AMPH: variants seen among roughly 807,000 people sequenced by gnomAD.
The protein encoded by AMPH is amphiphysin.
Under a neutral mutation model 99.1 loss-of-function variants are expected in AMPH, and 49 were observed. The ratio of observed to expected loss-of-function variants is 0.49; its 90% CI spans 0.39 to 0.63. The LOEUF (loss-of-function observed/expected upper bound fraction) is 0.63, where lower values mean the gene tolerates loss of function less well. Ranked by LOEUF, AMPH falls within the 20% of genes least tolerant of loss-of-function variation. The pLI, the probability that AMPH is intolerant of heterozygous loss-of-function variation, is 0.00. For missense variants in AMPH, 759 were observed against 863.4 expected (o/e 0.88, Z 1.52); for synonymous variants, 314 against 317.3 (o/e 0.99, Z 0.11).
At chr7:38,429,526 G>C in intron 14 of AMPH, 1 of 1,388,060 alleles carries the variant, frequency 7.2e-7, no homozygotes, top group Non-Finnish European at 9.5e-7. Flanking sequence ...CCACTGTCTG[G>C]AGTTTCCTCC....
intron 11 of AMPH, among the ~76,000 whole-genome samples, chr7:38,444,062 C>T (rs911640052): frequency 6.6e-6 from 1 of 150,914 alleles, no homozygotes; most frequent in Non-Finnish European, 1.5e-5. Context: ...CCAGAAAAAA[C>T]AAATTTAAAA....
chr7:38,446,211 G>A (rs1786771360), intron 11 of AMPH, among the ~76,000 whole-genome samples: 1 of 152,210 alleles, frequency 6.6e-6, no homozygotes, highest in Non-Finnish European at 1.5e-5. Flanking sequence ...ATGCGATGCT[G>A]ATGAAAATAG....
intron 11 of AMPH, among the ~76,000 whole-genome samples, chr7:38,454,429 T>C (rs1057075858): frequency 3.9e-5 from 6 of 151,954 alleles, no homozygotes; most frequent in Admixed American, 3.9e-4. Flanking sequence ...TGAGAAGAAA[T>C]AGTATCACCA....
rs375389292 is a variant in AMPH, at chr7:38,386,451, A to G, written c.1981-1526T>C. Among the ~76,000 whole-genome samples, 7 of 152,334 alleles carry G rather than the reference A, an allele frequency of 4.6e-5. 1 individual carries two copies. In the East Asian group the frequency reaches 7.7e-4, roughly 17 times the overall value. On this transcript the variant is annotated intron_variant, in intron 20 of 20. Coordinates refer to ENST00000356264, the MANE Select transcript of AMPH (RefSeq NM_001635.4). Reference sequence around the variant, plus strand: ...AAACCCACAATCAAGATATATTCCAACACATATAATCTGAAAGACAACTTG... The same window carrying G: ...AAACCCACAATCAAGATATATTCCAGCACATATAATCTGAAAGACAACTTG...
intron 2 of AMPH, among the ~76,000 whole-genome samples, chr7:38,515,797 G>C (rs553835239): frequency 6.6e-6 from 1 of 152,346 alleles, no homozygotes; most frequent in South Asian, 2.1e-4. Flanking sequence ...CCAAAATTCT[G>C]ATAGTGATAT....
At position 38,549,731 on chromosome 7, in the gene AMPH, G is replaced by A. The variant is rs183701700; in HGVS notation, c.70-14720C>T. Among the ~76,000 whole-genome samples the A allele has an allele frequency of 2.9e-3, 436 of 152,288 alleles. 2 individuals carry two copies. Among genetic ancestry groups the A allele is most frequent in the South Asian group, 0.011 (53 of 4,820 alleles). ...GCTGTAAGGTATTAGAAAAATCGGT[G>A]TAGAAAAAAGCTGGACTGTTTTCAG... On this transcript the variant is annotated intron_variant, in intron 1 of 20. Transcript: ENST00000356264.
At chr7:38,391,500 C>T (rs953711107) in intron 19 of AMPH, among the ~76,000 whole-genome samples, 1 of 152,152 alleles carries the variant, frequency 6.6e-6, no homozygotes, top group Non-Finnish European at 1.5e-5. Flanking sequence ...CTGGAAAAGA[C>T]TCTCCCATTC....
At chr7:38,466,525 TG>T (rs1787659691) in intron 7 of AMPH, among the ~76,000 whole-genome samples, 1 of 151,756 alleles carries the variant, frequency 6.6e-6, no homozygotes, top group South Asian at 2.1e-4. Context: ...GAGAACCACC[TG>T]AAGGGTGTGT....
intron 1 of AMPH, among the ~76,000 whole-genome samples, chr7:38,626,759 T>A (rs1454183126): frequency 6.6e-6 from 1 of 151,948 alleles, no homozygotes; most frequent in Non-Finnish European, 1.5e-5. Flanking sequence ...TGGGAGAAAA[T>A]TTTTGCTATC....
intron 2 of AMPH, 92 bp from the exon 3 acceptor site, chr7:38,503,796 GA>G: frequency 7.7e-7 from 1 of 1,302,882 alleles, no homozygotes; most frequent in South Asian, 1.2e-5. Flanking sequence ...ACTATTGCCA[GA>G]AGCTCATTCT....
chr7:38,402,859 A>C (rs982616940), intron 17 of AMPH, among the ~76,000 whole-genome samples: 1 of 152,170 alleles, frequency 6.6e-6, no homozygotes, highest in Admixed American at 6.5e-5. Flanking sequence ...TGAAATGTTG[A>C]CTTTCTTTTT....
intron 1 of AMPH, among the ~76,000 whole-genome samples, chr7:38,557,679 T>C (rs1402531033): frequency 2.0e-5 from 3 of 152,206 alleles, no homozygotes; most frequent in Non-Finnish European, 4.4e-5. Flanking sequence ...CACCAGGCCC[T>C]GCTGTAATCT....
chr7:38,572,439 G>A lies in AMPH; in HGVS notation c.70-37428C>T, dbSNP rs575145932. ...ATGATGCTCACACAACAATAAAATTGCCTAACGATTTCTCCTCATTTTACC... is the reference window on the plus strand; with the variant it reads ...ATGATGCTCACACAACAATAAAATTACCTAACGATTTCTCCTCATTTTACC... On this transcript the variant is annotated intron_variant, in intron 1 of 20. Coordinates refer to ENST00000356264, the MANE Select transcript of AMPH (RefSeq NM_001635.4). 7.9e-5 allele frequency among the ~76,000 whole-genome samples: 12 copies of A among 152,250 alleles called. No individual in the cohort carries two copies. In the South Asian group the frequency reaches 2.1e-3, roughly 26 times the overall value.
chr7:38,567,721 C>T (rs1467968001), intron 1 of AMPH, among the ~76,000 whole-genome samples: 1 of 152,092 alleles, frequency 6.6e-6, no homozygotes, highest in African/African-American at 2.4e-5. Context: ...GTTTTAGCTG[C>T]TTTGCACTAT....
chr7:38,501,340 G>T (rs1327968624), intron 3 of AMPH, among the ~76,000 whole-genome samples: 2 of 152,106 alleles, frequency 1.3e-5, no homozygotes, highest in East Asian at 3.9e-4. Flanking sequence ...ACAGGCATGC[G>T]CCACCACACC....
chr7:38,407,056 A>C (rs377302505), intron 17 of AMPH, among the ~76,000 whole-genome samples: 2,089 of 13,200 alleles, frequency 0.16, 108 homozygotes, highest in East Asian at 0.44. Context: ...CTCTATATAT[A>C]TATATATATA....
chr7:38,627,387 C>CAAAAAAAAAAAAAAAAA (rs70977419), intron 1 of AMPH, among the ~76,000 whole-genome samples: 2 of 116,938 alleles, frequency 1.7e-5, no homozygotes, highest in Non-Finnish European at 1.7e-5. Context: ...ACTAAAAATA[C>CAAAAAAAAAAAAAAAAA]AAAAAAAAAA....
At chr7:38,409,421 T>C (rs546013484) in intron 17 of AMPH, among the ~76,000 whole-genome samples, 1 of 152,338 alleles carries the variant, frequency 6.6e-6, no homozygotes, top group African/African-American at 2.4e-5. Context: ...GGCTGGTGAC[T>C]GGTAAATCTC....
intron 4 of AMPH, among the ~76,000 whole-genome samples, chr7:38,492,384 T>C (rs1316432305): frequency 6.6e-6 from 1 of 152,202 alleles, no homozygotes; most frequent in African/African-American, 2.4e-5. Flanking sequence ...AATGGCAAAC[T>C]TGGGCCCCTC....
Sources: allele counts gnomAD v4.1 joint callset (sites outside exome capture counted in the v4.1 genomes callset), GRCh38; gene constraint gnomAD v4.1.1; transcripts MANE v1.5; gene names NCBI Gene and HGNC (gene_info 2026-07-23, HGNC 2026-07-21).